The following GALNT13 variants were observed in gnomAD, a reference collection of about 807,000 sequenced individuals.
The protein encoded by GALNT13 is polypeptide N-acetylgalactosaminyltransferase 13, also known as UDP-GalNAc:polypeptide N-acetylgalactosaminyltransferase 13.
In GALNT13, 28 loss-of-function variants were observed where a neutral mutation model predicts 64.2. The observed-to-expected ratio is 0.44, with a 90% CI of 0.32 to 0.60. GALNT13 has a LOEUF of 0.60. Ranked by LOEUF, GALNT13 falls within the 20% of genes least tolerant of loss-of-function variation. The probability of loss-of-function intolerance (pLI) is 0.05; values close to 1 mark genes in which losing one functional copy is unlikely to be tolerated. For synonymous variants in GALNT13, 214 were observed against 224.6 expected (o/e 0.95, Z 0.42); for missense variants, 577 against 669.8 (o/e 0.86, Z 1.53).
At chr2:153,833,629 G>A in the GALNT13 span, among the ~76,000 whole-genome samples, 1 of 152,094 alleles carries the variant, frequency 6.6e-6, no homozygotes, top group African/African-American at 2.4e-5. Context: ...AAAACATGAT[G>A]TACATACGGT....
chr2:153,649,545 A>T, the GALNT13 span, among the ~76,000 whole-genome samples: 1 of 146,350 alleles, frequency 6.8e-6, no homozygotes, highest in Non-Finnish European at 1.5e-5. Context: ...TAGTTCTTTT[A>T]ATTGTGATGT....
intron 3 of GALNT13, among the ~76,000 whole-genome samples, chr2:154,119,904 C>A (rs1232376914): frequency 2.0e-5 from 3 of 152,034 alleles, no homozygotes; most frequent in Non-Finnish European, 4.4e-5. Context: ...ATTGTGACTT[C>A]TTTTTCAGTC....
At chr2:154,242,330 C>G in intron 5 of GALNT13, 134 bp downstream of exon 5, 1 of 705,592 alleles carries the variant, frequency 1.4e-6, no homozygotes, top group African/African-American at 1.8e-5. Context: ...TTTTACTAGC[C>G]CTGCCACAGC....
intron 3 of GALNT13, among the ~76,000 whole-genome samples, chr2:154,045,607 A>G (rs1699237624): frequency 6.6e-6 from 1 of 152,098 alleles, no homozygotes; most frequent in Non-Finnish European, 1.5e-5. Context: ...TTGCTTCAGG[A>G]GTAGATGGGA....
chr2:154,396,998 ATATAT>A (rs1395292989), intron 10 of GALNT13, among the ~76,000 whole-genome samples: 3 of 150,638 alleles, frequency 2.0e-5, no homozygotes, highest in African/African-American at 7.3e-5. Context: ...ATTATATATA[ATATAT>A]TCCTATATAG....
the GALNT13 span, among the ~76,000 whole-genome samples, chr2:153,786,682 C>T: frequency 9.2e-5 from 14 of 152,194 alleles, no homozygotes; most frequent in South Asian, 1.2e-3. Context: ...AGCTGCTCCA[C>T]CCCACTGGCT....
chr2:153,493,619 C>T, the GALNT13 span, among the ~76,000 whole-genome samples: 2 of 151,766 alleles, frequency 1.3e-5, no homozygotes, highest in African/African-American at 4.8e-5. Context: ...AAAGAGGGAA[C>T]ATTCTCCAAC....
the GALNT13 span, among the ~76,000 whole-genome samples, chr2:153,778,283 G>A: frequency 2.6e-5 from 4 of 152,196 alleles, no homozygotes; most frequent in African/African-American, 9.6e-5. Context: ...CACAGGATGG[G>A]GGCATGGCAG....
chr2:154,162,437 T>C (rs1286796187), intron 4 of GALNT13, among the ~76,000 whole-genome samples: 1 of 152,190 alleles, frequency 6.6e-6, no homozygotes, highest in African/African-American at 2.4e-5. Flanking sequence ...TGTCAGAAGA[T>C]TGTGGCCCAG....
chr2:153,992,922 T>A (rs1388378216), intron 3 of GALNT13, among the ~76,000 whole-genome samples: 2 of 152,180 alleles, frequency 1.3e-5, no homozygotes, highest in Non-Finnish European at 2.9e-5. Flanking sequence ...ACATCTTATA[T>A]CTAATACCCA....
At chr2:153,497,188 C>A in the GALNT13 span, among the ~76,000 whole-genome samples, 1 of 152,008 alleles carries the variant, frequency 6.6e-6, no homozygotes, top group Non-Finnish European at 1.5e-5. Context: ...CTGTGGAATT[C>A]TTTTCTGCTA....
chr2:154,396,982 T>A (rs1201579690), intron 10 of GALNT13, among the ~76,000 whole-genome samples: 1 of 150,320 alleles, frequency 6.7e-6, no homozygotes, highest in East Asian at 1.9e-4. Flanking sequence ...ATCTCATAGA[T>A]TGATGATTAT....
At chr2:154,290,272 C>T (rs1195022195) in intron 8 of GALNT13, among the ~76,000 whole-genome samples, 1 of 152,166 alleles carries the variant, frequency 6.6e-6, no homozygotes, top group East Asian at 1.9e-4. Flanking sequence ...GCAGGGAATG[C>T]CTACTTTTCC....
At chr2:153,680,377 A>C in the GALNT13 span, among the ~76,000 whole-genome samples, 1 of 151,874 alleles carries the variant, frequency 6.6e-6, no homozygotes, top group South Asian at 2.1e-4. Context: ...ACCTGGAGAA[A>C]AAATGATTAC....
At chr2:153,593,806 T>C in the GALNT13 span, among the ~76,000 whole-genome samples, 4 of 152,152 alleles carry the variant, frequency 2.6e-5, no homozygotes, top group Non-Finnish European at 4.4e-5. Flanking sequence ...CTGGACTTGA[T>C]AAACCACTGA....
intron 3 of GALNT13, among the ~76,000 whole-genome samples, chr2:154,105,513 AC>A (rs1350212097): frequency 6.6e-6 from 1 of 152,174 alleles, no homozygotes; most frequent in Non-Finnish European, 1.5e-5. Flanking sequence ...GACAGGTTAT[AC>A]CATATAGCCA....
chr2:153,600,468 G>A, the GALNT13 span, among the ~76,000 whole-genome samples: 1 of 151,866 alleles, frequency 6.6e-6, no homozygotes, highest in African/African-American at 2.4e-5. Context: ...GAAGTGTTTG[G>A]CTTATATAAC....
chr2:154,179,373 A>G (rs916795349), intron 4 of GALNT13, among the ~76,000 whole-genome samples: 4 of 152,222 alleles, frequency 2.6e-5, no homozygotes, highest in African/African-American at 7.2e-5. Flanking sequence ...TGTGAAATAT[A>G]TAATGCTGTT....
intron 9 of GALNT13, among the ~76,000 whole-genome samples, chr2:154,313,558 G>A (rs13029418): frequency 0.16 from 23,898 of 151,496 alleles, 2,551 homozygotes; most frequent in Admixed American, 0.28. Flanking sequence ...GGGTTCAAGC[G>A]ATTCTCCTGC....
Sources: allele counts gnomAD v4.1 joint callset (sites outside exome capture counted in the v4.1 genomes callset), GRCh38; gene constraint gnomAD v4.1.1; transcripts MANE v1.5; gene names NCBI Gene and HGNC (gene_info 2026-07-23, HGNC 2026-07-21).